PREP: variants seen among roughly 807,000 people sequenced by gnomAD.
PREP encodes prolyl endopeptidase, also known as dJ355L5.1 (prolyl endopeptidase).
A neutral mutation model predicts 87.6 loss-of-function variants in PREP; 29 were observed. That is an observed-to-expected ratio of 0.33 (90% CI 0.25 to 0.45). The LOEUF is 0.45. Ranked by LOEUF, PREP falls within the 20% of genes least tolerant of loss-of-function variation. The pLI, the probability that PREP is intolerant of heterozygous loss-of-function variation, is 1.00. For missense variants in PREP, 695 were observed against 886.5 expected, an observed-to-expected ratio of 0.78 and a Z score of 2.74; for synonymous variants, 337 against 328.6, an observed-to-expected ratio of 1.03 and a Z score of -0.28.
chr6:105,354,409 C>T (rs1021952644), intron 6 of PREP, among the ~76,000 whole-genome samples: 1 of 152,078 alleles, frequency 6.6e-6, no homozygotes, highest in Admixed American at 6.6e-5. Context: ...TTAGCAATAC[C>T]GTATGAGAGT....
rs188422512 is a variant in PREP, at chr6:105,316,009, T to C, written c.1317+7656A>G. Among the ~76,000 whole-genome samples, 885 of 152,302 alleles carry C rather than the reference T, an allele frequency of 5.8e-3. 28 individuals carry two copies. The highest frequency in any genetic ancestry group is 0.044 in the Admixed American group (680 of 15,308). On this transcript the variant is annotated intron_variant, in intron 10 of 14. Coordinates refer to ENST00000652536, the MANE Select transcript of PREP (RefSeq NM_002726.5). Reference sequence around the variant, plus strand: ...ACTTTCTCCATATCAGCAATAAGGCTGTTTTGCTTTCTTACCATTCATGTG... The same window carrying C: ...ACTTTCTCCATATCAGCAATAAGGCCGTTTTGCTTTCTTACCATTCATGTG...
chr6:105,308,051 C>T (rs960123085), intron 10 of PREP, among the ~76,000 whole-genome samples: 4 of 152,042 alleles, frequency 2.6e-5, no homozygotes, highest in Non-Finnish European at 4.4e-5. Context: ...CTTCTGGGGC[C>T]TCACTTAGAC....
chr6:105,305,604 T>C (rs1770638262), intron 10 of PREP, among the ~76,000 whole-genome samples: 1 of 152,150 alleles, frequency 6.6e-6, no homozygotes, highest in Non-Finnish European at 1.5e-5. Flanking sequence ...GCTGTGAAGG[T>C]AAAAGAACAA....
At chr6:105,330,619 G>GCGGGGGA (rs758321638) in intron 8 of PREP, among the ~76,000 whole-genome samples, 5,118 of 152,022 alleles carry the variant, frequency 0.034, 284 homozygotes, top group African/African-American at 0.12. Context: ...GGACAGGGCT[G>GCGGGGGA]TAGGGGACAG....
At chr6:105,290,078 C>T (rs575581083) in intron 10 of PREP, among the ~76,000 whole-genome samples, 8 of 152,206 alleles carry the variant, frequency 5.3e-5, no homozygotes, top group Non-Finnish European at 7.4e-5. Flanking sequence ...GCATTTGTTT[C>T]GGACTCTGCA....
chr6:105,285,694 A>C, intron 11 of PREP, 114 bp from the exon 12 acceptor site: 3 of 762,448 alleles, frequency 3.9e-6, no homozygotes, highest in Admixed American at 2.4e-5. Context: ...ATATCATCTC[A>C]ATAGGAGCTT....
At chr6:105,306,890 A>G (rs11963658) in intron 10 of PREP, among the ~76,000 whole-genome samples, 19,483 of 152,044 alleles carry the variant, frequency 0.13, 3,727 homozygotes, top group African/African-American at 0.42. Flanking sequence ...CCAGGCTCAC[A>G]TGCTATGGGG....
At chr6:105,313,791 G>A (rs935695909) in intron 10 of PREP, among the ~76,000 whole-genome samples, 4 of 152,228 alleles carry the variant, frequency 2.6e-5, no homozygotes, top group African/African-American at 7.2e-5. Flanking sequence ...TGGTGCCAGC[G>A]TTGGCATGAA....
At chr6:105,308,719 C>G (rs1562194384) in intron 10 of PREP, among the ~76,000 whole-genome samples, 1 of 152,120 alleles carries the variant, frequency 6.6e-6, no homozygotes, top group African/African-American at 2.4e-5. Context: ...ATTTCAGACT[C>G]TATCTATCAC....
At position 105,343,434 on chromosome 6, in the gene PREP, A is replaced by T. The variant is rs182912383; in HGVS notation, c.823+9538T>A. 2.2e-4 allele frequency among the ~76,000 whole-genome samples: 34 copies of T among 152,274 alleles called. No individual in the cohort carries two copies. The East Asian group carries it at 6.0e-3, about 27-fold the overall frequency. On this transcript the variant is annotated intron_variant, in intron 7 of 14. Transcript: ENST00000652536. ...AAAACCATAAAAACCCTAGAAGAAA[A>T]CCTAGGCAATACCATTCAGGACACA...
At chr6:105,321,417 C>A (rs891868366) in intron 10 of PREP, among the ~76,000 whole-genome samples, 1 of 152,228 alleles carries the variant, frequency 6.6e-6, no homozygotes. Flanking sequence ...TCCAGTGCCA[C>A]AGGCACCTGG....
At chr6:105,291,684 G>A (rs1583038193) in intron 10 of PREP, among the ~76,000 whole-genome samples, 1 of 152,114 alleles carries the variant, frequency 6.6e-6, no homozygotes, top group East Asian at 1.9e-4. Context: ...CCTATTGTGG[G>A]ACCTTGTGAT....
At chr6:105,295,918 T>C (rs536816278) in intron 10 of PREP, among the ~76,000 whole-genome samples, 1 of 152,366 alleles carries the variant, frequency 6.6e-6, no homozygotes, top group South Asian at 2.1e-4. Context: ...CTATTCTTTA[T>C]GTTCTGTGAT....
chr6:105,367,942 A>G (rs1159177829), intron 6 of PREP, among the ~76,000 whole-genome samples: 2 of 141,890 alleles, frequency 1.4e-5, no homozygotes, highest in African/African-American at 6.0e-5. Flanking sequence ...GCCCAGTGGC[A>G]GCAGTTTTTT....
intron 2 of PREP, among the ~76,000 whole-genome samples, chr6:105,385,445 T>C (rs904401459): frequency 3.3e-5 from 5 of 152,122 alleles, no homozygotes; most frequent in Non-Finnish European, 7.4e-5. Context: ...TACACATAAC[T>C]TCATGCTAGT....
intron 2 of PREP, among the ~76,000 whole-genome samples, chr6:105,382,270 A>AAC (rs146759488): frequency 0.086 from 12,298 of 142,958 alleles, 524 homozygotes; most frequent in East Asian, 0.15. Flanking sequence ...AAGCGTTCTC[A>AAC]ACACACACAC....
At chr6:105,361,669 T>C (rs1032773263) in intron 6 of PREP, among the ~76,000 whole-genome samples, 3 of 152,200 alleles carry the variant, frequency 2.0e-5, no homozygotes, top group African/African-American at 7.2e-5. Flanking sequence ...ATCATGCTAT[T>C]CTCAGAGCAG....
At chr6:105,384,944 C>T (rs968520843) in intron 2 of PREP, among the ~76,000 whole-genome samples, 8 of 152,212 alleles carry the variant, frequency 5.3e-5, no homozygotes, top group Non-Finnish European at 1.0e-4. Flanking sequence ...ACCCCAATAA[C>T]GTGAGCCACT....
chr6:105,379,287 T>C (rs1415372628), intron 2 of PREP, among the ~76,000 whole-genome samples: 4 of 152,224 alleles, frequency 2.6e-5, no homozygotes, highest in South Asian at 4.1e-4. Context: ...CAGAGACTTA[T>C]GTGGCTTGCA....
Sources: gnomAD v4.1 joint callset for allele counts (sites outside exome capture counted in the v4.1 genomes callset) on GRCh38, gnomAD v4.1.1 for gene constraint, MANE v1.5 for transcripts, NCBI Gene and HGNC (gene_info 2026-07-23, HGNC 2026-07-21) for gene names.